The following CD96 variants were observed in gnomAD, a reference collection of about 807,000 sequenced individuals.
CD96 encodes the protein CD96 molecule, also known as T-cell surface protein tactile.
Under a neutral mutation model 71.3 loss-of-function variants are expected in CD96, and 70 were observed. That is an observed-to-expected ratio of 0.98 (90% CI 0.81 to 1.20). The LOEUF is 1.20. Ranked by LOEUF, CD96 falls within the 50% of genes most tolerant of loss-of-function variation. CD96 has a pLI of 0.00. For synonymous variants in CD96, 248 were observed against 233.0 expected, an observed-to-expected ratio of 1.06 and a Z score of -0.59; for missense variants, 742 against 677.5, an observed-to-expected ratio of 1.10 and a Z score of -1.06.
At chr3:111,607,518 G>A (rs571853684) in intron 8 of CD96, among the ~76,000 whole-genome samples, 1 of 152,292 alleles carries the variant, frequency 6.6e-6, no homozygotes, top group African/African-American at 2.4e-5. Flanking sequence ...GTCTAACAAA[G>A]AACCATGGTG....
chr3:111,619,337 A>T (rs1244982583), intron 8 of CD96, among the ~76,000 whole-genome samples: 1 of 152,358 alleles, frequency 6.6e-6, no homozygotes, highest in African/African-American at 2.4e-5. Flanking sequence ...AAACCTCCTC[A>T]TGTAACCTCA....
At chr3:111,572,423 A>G (rs1440382834) in intron 3 of CD96, among the ~76,000 whole-genome samples, 1 of 152,234 alleles carries the variant, frequency 6.6e-6, no homozygotes, top group Non-Finnish European at 1.5e-5. Flanking sequence ...ATATTAGGGA[A>G]TAAACTACAA....
At chr3:111,595,317 G>T (rs566293836) in intron 5 of CD96, 1 of 152,198 alleles carries the variant, frequency 6.6e-6, no homozygotes, top group Non-Finnish European at 1.5e-5. Context: ...CAAGGCTCTG[G>T]ACTTCTCTCT....
At chr3:111,628,080 AAAAG>A (rs1416501724) in intron 10 of CD96, among the ~76,000 whole-genome samples, 1 of 152,210 alleles carries the variant, frequency 6.6e-6, no homozygotes, top group Non-Finnish European at 1.5e-5. Context: ...TAAAAAAAGA[AAAAG>A]AAAAAGAAAA....
chr3:111,601,766 C>T (rs1029648148), intron 7 of CD96, among the ~76,000 whole-genome samples: 1 of 152,136 alleles, frequency 6.6e-6, no homozygotes, highest in African/African-American at 2.4e-5. Context: ...CATAAAAACA[C>T]AGAATAATTT....
intron 2 of CD96, 95 bp downstream of exon 2, chr3:111,545,497 A>G: frequency 1.2e-6 from 1 of 840,596 alleles, no homozygotes; most frequent in Non-Finnish European, 2.0e-6. Context: ...CTTGGTGCTC[A>G]GCATACAAAG....
chr3:111,606,107 C>T (rs1393840227), intron 7 of CD96, among the ~76,000 whole-genome samples: 1 of 151,884 alleles, frequency 6.6e-6, no homozygotes, highest in Non-Finnish European at 1.5e-5. Context: ...GTTTCAACTC[C>T]CCCCAACACA....
At chr3:111,652,798 T>C (rs546424298), downstream of CD96, among the ~76,000 whole-genome samples, 2 of 152,166 alleles carry the variant, frequency 1.3e-5, no homozygotes, top group Non-Finnish European at 2.9e-5. Context: ...TTGACTAAAA[T>C]GACAGTTTCA....
intron 2 of CD96, among the ~76,000 whole-genome samples, chr3:111,547,705 T>C (rs892607599): frequency 1.3e-5 from 2 of 152,220 alleles, no homozygotes; most frequent in African/African-American, 4.8e-5. Flanking sequence ...ACCGTATCTA[T>C]ACTTTTTGCG....
chr3:111,575,126 CTG>C (rs1348280101), intron 3 of CD96, among the ~76,000 whole-genome samples: 1 of 152,156 alleles, frequency 6.6e-6, no homozygotes, highest in Non-Finnish European at 1.5e-5. Context: ...AAGGCTAAGA[CTG>C]TTTCTTTTAC....
At chr3:111,583,674 T>C (rs868841665) in intron 4 of CD96, among the ~76,000 whole-genome samples, 11 of 152,236 alleles carry the variant, frequency 7.2e-5, no homozygotes, top group African/African-American at 2.7e-4. Context: ...TGCCAAGGCT[T>C]GGGGATTCCA....
At chr3:111,547,460 C>A (rs1274270820) in intron 2 of CD96, among the ~76,000 whole-genome samples, 1 of 152,136 alleles carries the variant, frequency 6.6e-6, no homozygotes, top group Non-Finnish European at 1.5e-5. Flanking sequence ...AATACTATTG[C>A]CTCACGGAGG....
chr3:111,580,897 C>T (rs1015470695), intron 4 of CD96, among the ~76,000 whole-genome samples: 1 of 152,192 alleles, frequency 6.6e-6, no homozygotes, highest in East Asian at 1.9e-4. Flanking sequence ...TATTGTCAAA[C>T]CAATGAAGGC....
intron 10 of CD96, among the ~76,000 whole-genome samples, chr3:111,625,261 T>G (rs1365592937): frequency 6.6e-6 from 1 of 152,240 alleles, no homozygotes; most frequent in African/African-American, 2.4e-5. Flanking sequence ...TTATTTTATC[T>G]TTTTGATGGC....
At chr3:111,562,081 C>T (rs1037146354) in intron 2 of CD96, among the ~76,000 whole-genome samples, 10 of 152,362 alleles carry the variant, frequency 6.6e-5, no homozygotes, top group South Asian at 4.1e-4. Flanking sequence ...GCACGGTGCG[C>T]GCACCCACTG....
intron 10 of CD96, among the ~76,000 whole-genome samples, chr3:111,626,718 A>T (rs9839917): frequency 0.026 from 3,934 of 152,334 alleles, 167 homozygotes; most frequent in African/African-American, 0.087. Flanking sequence ...AAATTGTAGT[A>T]TACTAATAAA....
chr3:111,603,749 ATGTGTGTGTAAGTATGCATG>A (rs1161565057), intron 7 of CD96, among the ~76,000 whole-genome samples: 1 of 152,150 alleles, frequency 6.6e-6, no homozygotes, highest in Non-Finnish European at 1.5e-5. Context: ...GTGTAGGTGT[ATGTGTGTGTAAGTATGCATG>A]TGTATCTTCG....
At chr3:111,601,096 C>G (rs1196546592) in intron 7 of CD96, among the ~76,000 whole-genome samples, 182 bp downstream of exon 7, 3 of 152,146 alleles carry the variant, frequency 2.0e-5, no homozygotes, top group Non-Finnish European at 2.9e-5. Context: ...GAAAAGAATT[C>G]TTCAACTAAA....
At chr3:111,607,289 A>T (rs936320747) in intron 8 of CD96, among the ~76,000 whole-genome samples, 1 of 152,228 alleles carries the variant, frequency 6.6e-6, no homozygotes, top group Admixed American at 6.5e-5. Flanking sequence ...GGGATAGGCC[A>T]AAAGAGGTTG....
Sources: allele counts gnomAD v4.1 joint callset (sites outside exome capture counted in the v4.1 genomes callset), GRCh38; gene constraint gnomAD v4.1.1; transcripts MANE v1.5; gene names NCBI Gene and HGNC (gene_info 2026-07-23, HGNC 2026-07-21).